DPYD: variants seen among roughly 807,000 people sequenced by gnomAD.
The protein encoded by DPYD is dihydropyrimidine dehydrogenase [NADP(+)].
DPYD carries 109 observed loss-of-function variants against 116.2 expected under a neutral mutation model. The observed-to-expected ratio is 0.94, with a 90% CI of 0.80 to 1.10. The LOEUF is 1.10. Ranked by LOEUF, DPYD falls within the 50% of genes least tolerant of loss-of-function variation. The probability of loss-of-function intolerance (pLI) is 0.00; values close to 1 mark genes in which losing one functional copy is unlikely to be tolerated. For synonymous variants in DPYD, 440 were observed against 432.0 expected, an observed-to-expected ratio of 1.02 and a Z score of -0.23; for missense variants, 1,302 against 1,254.5, an observed-to-expected ratio of 1.04 and a Z score of -0.57.
intron 2 of DPYD, among the ~76,000 whole-genome samples, chr1:97,868,176 T>G (rs565327904): frequency 6.6e-6 from 1 of 151,652 alleles, no homozygotes; most frequent in Non-Finnish European, 1.5e-5. Context: ...AGTTAAACTA[T>G]TTATATCATG....
chr1:97,245,921 T>A (rs1662688561), intron 18 of DPYD, among the ~76,000 whole-genome samples: 1 of 152,134 alleles, frequency 6.6e-6, no homozygotes, highest in Admixed American at 6.6e-5. Context: ...TTACAAAGAA[T>A]TACATGTGTT....
chr1:97,540,319 CGGGGTGG>C (rs914953499), intron 12 of DPYD, among the ~76,000 whole-genome samples: 15 of 41,144 alleles, frequency 3.6e-4, no homozygotes, highest in Admixed American at 3.5e-3. Context: ...TTACAGAACC[CGGGGTGG>C]GGGGTGGGGG....
chr1:97,345,092 T>C (rs1669776570), intron 16 of DPYD, among the ~76,000 whole-genome samples: 1 of 151,958 alleles, frequency 6.6e-6, no homozygotes. Flanking sequence ...CTTTTCACGT[T>C]TACCGGCCAT....
At chr1:97,691,167 T>C (rs1473941699) in intron 7 of DPYD, 1 of 152,752 alleles carries the variant, frequency 6.5e-6, no homozygotes, top group African/African-American at 2.4e-5. Flanking sequence ...AATAACGATG[T>C]GTCAAATTTT....
intron 1 of DPYD, among the ~76,000 whole-genome samples, chr1:97,905,478 A>G (rs935245862): frequency 6.6e-5 from 10 of 152,076 alleles, no homozygotes; most frequent in African/African-American, 2.4e-4. Flanking sequence ...ACGATATAGA[A>G]TCCCAAAACC....
intron 18 of DPYD, among the ~76,000 whole-genome samples, chr1:97,287,330 G>T (rs193211353): frequency 1.3e-3 from 197 of 152,128 alleles, no homozygotes; most frequent in Non-Finnish European, 1.0e-3. Flanking sequence ...CAGTCAGTCT[G>T]CCCCTACTGG....
chr1:97,349,348 AT>A (rs1670017759), intron 16 of DPYD, among the ~76,000 whole-genome samples: 1 of 151,144 alleles, frequency 6.6e-6, no homozygotes, highest in Non-Finnish European at 1.5e-5. Context: ...CTTTTTATTA[AT>A]TTTATTATTA....
At chr1:97,208,188 CTTT>C (rs957718296) in intron 19 of DPYD, among the ~76,000 whole-genome samples, 2 of 150,212 alleles carry the variant, frequency 1.3e-5, no homozygotes, top group Non-Finnish European at 3.0e-5. Flanking sequence ...CTTTCTTTTA[CTTT>C]TTTTTCTTCC....
intron 12 of DPYD, among the ~76,000 whole-genome samples, chr1:97,543,150 T>C (rs1336315204): frequency 6.6e-6 from 1 of 152,204 alleles, no homozygotes; most frequent in Non-Finnish European, 1.5e-5. Flanking sequence ...TATAATTGCT[T>C]ATTCACTTCT....
chr1:97,116,348 G>T (rs756328947), intron 20 of DPYD, among the ~76,000 whole-genome samples: 3 of 152,050 alleles, frequency 2.0e-5, no homozygotes, highest in Admixed American at 6.6e-5. Context: ...CACAAGCTTA[G>T]GAGGTCCAGA....
At chr1:97,773,554 T>C (rs748271231) in intron 3 of DPYD, among the ~76,000 whole-genome samples, 8 of 151,986 alleles carry the variant, frequency 5.3e-5, no homozygotes, top group Non-Finnish European at 1.2e-4. Flanking sequence ...CCTGTGCCTA[T>C]AAAAACCCCG....
chr1:97,899,739 T>C (rs1673268897), intron 1 of DPYD, among the ~76,000 whole-genome samples: 1 of 151,934 alleles, frequency 6.6e-6, no homozygotes, highest in South Asian at 2.1e-4. Context: ...CACTTTTATA[T>C]AGGAATCTTA....
intron 18 of DPYD, among the ~76,000 whole-genome samples, chr1:97,271,879 GTA>G (rs1156705171): frequency 6.6e-6 from 1 of 152,232 alleles, no homozygotes; most frequent in East Asian, 1.9e-4. Context: ...TCTCCCTGAA[GTA>G]TATTTATATC....
intron 15 of DPYD, among the ~76,000 whole-genome samples, chr1:97,379,969 T>A (rs960441978): frequency 6.6e-6 from 1 of 152,234 alleles, no homozygotes; most frequent in Non-Finnish European, 1.5e-5. Flanking sequence ...ATGCACCATA[T>A]TGCACTTGTT....
chr1:97,242,823 C>T (rs888694613), intron 18 of DPYD, among the ~76,000 whole-genome samples: 3 of 151,604 alleles, frequency 2.0e-5, no homozygotes, highest in African/African-American at 7.3e-5. Flanking sequence ...TCTACAAACA[C>T]AACAGAGTGA....
intron 18 of DPYD, among the ~76,000 whole-genome samples, chr1:97,288,557 G>A (rs1274055455): frequency 6.6e-6 from 1 of 151,700 alleles, no homozygotes; most frequent in Non-Finnish European, 1.5e-5. Flanking sequence ...CAACTACACG[G>A]AAACTGAACA....
At chr1:97,178,819 A>G (rs897963520) in intron 20 of DPYD, among the ~76,000 whole-genome samples, 1 of 152,172 alleles carries the variant, frequency 6.6e-6, no homozygotes, top group African/African-American at 2.4e-5. Context: ...TAACAAAATA[A>G]AAGTTCCTTT....
At chr1:97,324,494 T>C (rs2101130325) in intron 16 of DPYD, among the ~76,000 whole-genome samples, 1 of 152,222 alleles carries the variant, frequency 6.6e-6, no homozygotes, top group East Asian at 1.9e-4. Flanking sequence ...ATACTGCTTC[T>C]GTTTACTTTT....
At chr1:97,918,582 T>C (rs1433956165) in intron 1 of DPYD, among the ~76,000 whole-genome samples, 3 of 152,170 alleles carry the variant, frequency 2.0e-5, no homozygotes, top group Admixed American at 2.0e-4. Context: ...AATCCTGATG[T>C]GATATTGGAT....
Sources: allele counts gnomAD v4.1 joint callset (sites outside exome capture counted in the v4.1 genomes callset), GRCh38; gene constraint gnomAD v4.1.1; transcripts MANE v1.5; gene names NCBI Gene and HGNC (gene_info 2026-07-23, HGNC 2026-07-21).